Variants in SMOC1 observed in about 807,000 individuals in gnomAD.
SMOC1 encodes the protein SPARC-related modular calcium-binding protein 1.
A neutral mutation model predicts 56.3 loss-of-function variants in SMOC1; 22 were observed. The ratio of observed to expected loss-of-function variants is 0.39; its 90% CI spans 0.28 to 0.56. SMOC1 has a LOEUF of 0.56. SMOC1 is among the 20% of genes least tolerant of loss of function. The pLI is 0.61. For missense variants in SMOC1, 509 were observed against 565.4 expected (o/e 0.90, Z 1.01); for synonymous variants, 193 against 215.0 (o/e 0.90, Z 0.89).
chr14:69,925,150 T>G (rs978049717), intron 1 of SMOC1, among the ~76,000 whole-genome samples: 20 of 11,202 alleles, frequency 1.8e-3, no homozygotes, highest in Non-Finnish European at 2.6e-3. Context: ...AGGGGAGGAG[T>G]GAGAGTAGGG....
At position 69,984,885 on chromosome 14, in the gene SMOC1, A is replaced by G. The variant is rs538242908; in HGVS notation, c.526+6920A>G. On this transcript the variant is annotated intron_variant, in intron 5 of 11. Coordinates refer to ENST00000361956, the MANE Select transcript of SMOC1 (RefSeq NM_001034852.3). ...CAAACAAACAAACAAACAAACAAAAACAAAAAATTAGCCAGGCATGGTGAT... is the reference window on the plus strand; with the variant it reads ...CAAACAAACAAACAAACAAACAAAAGCAAAAAATTAGCCAGGCATGGTGAT... Among the ~76,000 whole-genome samples the G allele has an allele frequency of 1.6e-4, 24 of 148,586 alleles. 3 individuals carry two copies. In the South Asian group the frequency reaches 5.0e-3, roughly 31 times the overall value.
intron 1 of SMOC1, among the ~76,000 whole-genome samples, chr14:69,893,419 G>A (rs987521493): frequency 1.1e-4 from 17 of 152,174 alleles, no homozygotes; most frequent in African/African-American, 3.6e-4. Flanking sequence ...CCCTTCTCAA[G>A]GCTCTGTCAG....
At chr14:69,891,208 T>G (rs1481784891) in intron 1 of SMOC1, among the ~76,000 whole-genome samples, 9 of 152,170 alleles carry the variant, frequency 5.9e-5, no homozygotes, top group Non-Finnish European at 1.2e-4. Flanking sequence ...TTAAGAGCAG[T>G]GATGAATGCT....
chr14:69,891,245 T>C (rs1883951125), intron 1 of SMOC1, among the ~76,000 whole-genome samples: 1 of 151,728 alleles, frequency 6.6e-6, no homozygotes. Flanking sequence ...AATTGTTAAG[T>C]AGGGCAAACT....
chr14:69,902,907 C>T (rs1884287506), intron 1 of SMOC1, among the ~76,000 whole-genome samples: 1 of 152,226 alleles, frequency 6.6e-6, no homozygotes, highest in Non-Finnish European at 1.5e-5. Flanking sequence ...GACGGAGTCT[C>T]GTTCACTCAG....
intron 10 of SMOC1, among the ~76,000 whole-genome samples, chr14:70,016,637 G>T (rs903915276): frequency 5.9e-5 from 9 of 152,152 alleles, no homozygotes; most frequent in African/African-American, 2.2e-4. Flanking sequence ...CTCTGACCTG[G>T]GCTGGCCCTT....
intron 11 of SMOC1, among the ~76,000 whole-genome samples, chr14:70,029,691 C>T (rs1886067691): frequency 6.6e-6 from 1 of 152,158 alleles, no homozygotes. Flanking sequence ...TTGGCAGTTT[C>T]CCCCAGGCAA....
At chr14:70,024,293 C>T (rs1217399479) in intron 11 of SMOC1, among the ~76,000 whole-genome samples, 1 of 152,162 alleles carries the variant, frequency 6.6e-6, no homozygotes, top group African/African-American at 2.4e-5. Context: ...CTCTAAGGGA[C>T]AGACAGCCTT....
At chr14:69,996,245 A>G (rs1594845713) in intron 7 of SMOC1, among the ~76,000 whole-genome samples, 1 of 152,258 alleles carries the variant, frequency 6.6e-6, no homozygotes, top group South Asian at 2.1e-4. Context: ...TAGCACTGTC[A>G]TAATAGCTAC....
chr14:69,899,524 C>A lies in SMOC1; in HGVS notation c.99+19747C>A, dbSNP rs1884187110. Among the ~76,000 whole-genome samples the A allele has an allele frequency of 1.3e-5, 2 of 152,170 alleles. 1 individual carries two copies. The highest frequency in any genetic ancestry group is 4.1e-4 in the South Asian group (2 of 4,826). On this transcript the variant is annotated intron_variant, in intron 1 of 11. Transcript: ENST00000361956. ...GATTGTAAGTTTTCTGAGGCCTCCC[C>A]AGAAGTAGACACCACTATACTTCCT...
At chr14:70,029,125 C>T (rs917543614) in intron 11 of SMOC1, among the ~76,000 whole-genome samples, 3 of 152,184 alleles carry the variant, frequency 2.0e-5, no homozygotes, top group South Asian at 2.1e-4. Context: ...CTAAGCATCT[C>T]GGAGTGGTGG....
intron 1 of SMOC1, among the ~76,000 whole-genome samples, chr14:69,905,386 G>A (rs1398128349): frequency 1.3e-5 from 2 of 152,154 alleles, no homozygotes; most frequent in African/African-American, 4.8e-5. Context: ...TGATTGTGAG[G>A]GAATAGAAGG....
At chr14:69,964,202 G>T (rs1301707110) in intron 3 of SMOC1, among the ~76,000 whole-genome samples, 1 of 151,968 alleles carries the variant, frequency 6.6e-6, no homozygotes, top group Non-Finnish European at 1.5e-5. Context: ...CCTACAATTT[G>T]TCTATTGTGG....
intron 5 of SMOC1, among the ~76,000 whole-genome samples, chr14:69,979,515 C>G (rs1422910377): frequency 6.6e-6 from 1 of 152,134 alleles, no homozygotes; most frequent in Non-Finnish European, 1.5e-5. Context: ...TCTACAAAGA[C>G]CTGAAATCAC....
At chr14:69,989,157 A>G (rs1194468857) in intron 5 of SMOC1, among the ~76,000 whole-genome samples, 4 of 152,206 alleles carry the variant, frequency 2.6e-5, no homozygotes, top group South Asian at 4.1e-4. Context: ...CTCACCAGCA[A>G]TGAACAAGGG....
chr14:69,897,915 G>C (rs971410586), intron 1 of SMOC1, among the ~76,000 whole-genome samples: 18 of 151,566 alleles, frequency 1.2e-4, no homozygotes, highest in Non-Finnish European at 2.5e-4. Context: ...TCTGAGCTAT[G>C]TTTTTTTTCC....
chr14:69,915,395 G>A lies in SMOC1; in HGVS notation c.99+35618G>A, dbSNP rs181013367. 1.6e-4 allele frequency among the ~76,000 whole-genome samples: 24 copies of A among 152,208 alleles called. No homozygotes were observed. The Middle Eastern group carries it at 0.01, about 65-fold the overall frequency. On this transcript the variant is annotated intron_variant, in intron 1 of 11. Coordinates refer to ENST00000361956, the MANE Select transcript of SMOC1 (RefSeq NM_001034852.3). ...AACCCCTCCACTTTTGTGCTAGGTC[G>A]TATCTCGTACTTACTCAAGGACATT...
chr14:69,976,697 C>CA (rs1883971925), intron 4 of SMOC1, among the ~76,000 whole-genome samples: 1 of 152,152 alleles, frequency 6.6e-6, no homozygotes. Context: ...TCAGCTCTCT[C>CA]AAAAAAGCCT....
At chr14:69,992,640 A>G (rs1009158049) in intron 6 of SMOC1, among the ~76,000 whole-genome samples, 167 bp downstream of exon 6, 1 of 152,166 alleles carries the variant, frequency 6.6e-6, no homozygotes, top group Admixed American at 6.5e-5. Context: ...AAAAATGCAG[A>G]TCCTCCCAGG....
Sources: gnomAD v4.1 joint callset for allele counts (sites outside exome capture counted in the v4.1 genomes callset) on GRCh38, gnomAD v4.1.1 for gene constraint, MANE v1.5 for transcripts, NCBI Gene and HGNC (gene_info 2026-07-23, HGNC 2026-07-21) for gene names.